SLC2A13: variants seen among roughly 807,000 people sequenced by gnomAD.
SLC2A13 encodes proton myo-inositol cotransporter.
Under a neutral mutation model 64.4 loss-of-function variants are expected in SLC2A13, and 32 were observed. That is an observed-to-expected ratio of 0.50 (90% CI 0.37 to 0.67). The LOEUF (loss-of-function observed/expected upper bound fraction) is 0.67. SLC2A13 is among the 30% of genes least tolerant of loss of function. The pLI is 0.00. For missense variants in SLC2A13, 743 were observed against 829.2 expected (o/e 0.90, Z 1.28); for synonymous variants, 338 against 327.1 (o/e 1.03, Z -0.36).
At chr12:40,075,843 T>C (rs544688165) in intron 1 of SLC2A13, among the ~76,000 whole-genome samples, 4 of 152,192 alleles carry the variant, frequency 2.6e-5, no homozygotes, top group African/African-American at 9.6e-5. Context: ...TATATTTATC[T>C]GTCTTAAGTT....
chr12:39,981,314 T>G (rs1336971526), intron 3 of SLC2A13, among the ~76,000 whole-genome samples: 2 of 150,996 alleles, frequency 1.3e-5, no homozygotes. Context: ...AGGCAAGAAA[T>G]AACTAAAATC....
chr12:40,010,611 T>C (rs899027414), intron 3 of SLC2A13, among the ~76,000 whole-genome samples: 1 of 152,212 alleles, frequency 6.6e-6, no homozygotes, highest in African/African-American at 2.4e-5. Flanking sequence ...TTCACAAACC[T>C]TTTAAAACCA....
At chr12:40,088,814 A>G (rs991019655) in intron 1 of SLC2A13, among the ~76,000 whole-genome samples, 1 of 152,196 alleles carries the variant, frequency 6.6e-6, no homozygotes, top group Non-Finnish European at 1.5e-5. Flanking sequence ...AATGAGTGGG[A>G]TAATAAATTC....
intron 3 of SLC2A13, among the ~76,000 whole-genome samples, chr12:39,966,256 A>C (rs1273436953): frequency 1.3e-5 from 2 of 152,022 alleles, no homozygotes; most frequent in African/African-American, 2.4e-5. Context: ...TCATCATTAC[A>C]GAATCTTCTT....
chr12:40,037,616 T>C (rs1167509903), intron 2 of SLC2A13, among the ~76,000 whole-genome samples: 8 of 129,436 alleles, frequency 6.2e-5, no homozygotes, highest in African/African-American at 3.1e-5. Context: ...GAGTGAGACC[T>C]GGCACTCAGG....
chr12:40,104,140 C>T (rs1259493134), intron 1 of SLC2A13, among the ~76,000 whole-genome samples: 2 of 152,100 alleles, frequency 1.3e-5, no homozygotes, highest in African/African-American at 4.8e-5. Context: ...AGGTTTAAAG[C>T]GCTTTCATCA....
intron 4 of SLC2A13, among the ~76,000 whole-genome samples, chr12:39,942,396 T>C (rs1178882659): frequency 6.6e-6 from 1 of 152,194 alleles, no homozygotes; most frequent in Non-Finnish European, 1.5e-5. Context: ...TCAGTAGTGT[T>C]TTGTAGTTTT....
chr12:39,864,638 C>T (rs78208994), intron 6 of SLC2A13, 124 bp downstream of exon 6: 69,701 of 1,305,584 alleles, frequency 0.053, 4,272 homozygotes, highest in East Asian at 0.29. Flanking sequence ...CATTTTCTTC[C>T]CTTCTTACAT....
At chr12:39,782,880 A>T (rs980458361) in intron 7 of SLC2A13, among the ~76,000 whole-genome samples, 3 of 151,978 alleles carry the variant, frequency 2.0e-5, no homozygotes, top group African/African-American at 7.2e-5. Flanking sequence ...TATTATTATT[A>T]TTTTTTATAC....
chr12:40,063,726 G>A (rs189970061), intron 1 of SLC2A13, among the ~76,000 whole-genome samples: 12 of 152,170 alleles, frequency 7.9e-5, no homozygotes, highest in African/African-American at 2.4e-4. Context: ...CATAGAGGAC[G>A]GACTAATTAA....
chr12:39,777,156 C>T (rs1940805753), intron 7 of SLC2A13, among the ~76,000 whole-genome samples: 1 of 152,198 alleles, frequency 6.6e-6, no homozygotes, highest in African/African-American at 2.4e-5. Context: ...TTATGGTTCA[C>T]TTTCCTTTCT....
In SLC2A13 at chr12:40,065,105, C is replaced by T. The variant is rs769329148; in HGVS notation, c.557-16895G>A. Among the ~76,000 whole-genome samples the T allele has an allele frequency of 6.5e-4, 99 of 151,990 alleles. No individual in the cohort carries two copies. In the Middle Eastern group the frequency reaches 0.014, roughly 21 times the overall value. ...ATACTAAAAAAATGAGATAGAACAG[C>T]AATATTAAAGTGAGATCAGAAAGCA... is the stretch of plus-strand genomic sequence containing the variant. On this transcript the variant is annotated intron_variant, in intron 1 of 9. Coordinates refer to ENST00000280871, the MANE Select transcript of SLC2A13 (RefSeq NM_052885.4).
In SLC2A13 at chr12:39,881,071, T is replaced by C. The variant is rs968410716; in HGVS notation, c.1035-9110A>G. Among the ~76,000 whole-genome samples, 6 of 152,194 alleles carry C rather than the reference T, an allele frequency of 3.9e-5. No individual in the cohort carries two copies. In the South Asian group the frequency reaches 1.0e-3, roughly 26 times the overall value. On this transcript the variant is annotated intron_variant, in intron 4 of 9. Transcript: ENST00000280871. ...TGTAATTATATAATTCAATCAAATG[T>C]TACATAAAGCAACAAAACATAAAAT... is the stretch of plus-strand genomic sequence containing the variant.
At chr12:39,816,178 GATCT>G (rs1291069352) in intron 7 of SLC2A13, among the ~76,000 whole-genome samples, 1 of 152,048 alleles carries the variant, frequency 6.6e-6, no homozygotes, top group Non-Finnish European at 1.5e-5. Context: ...TTCTGGGTTG[GATCT>G]ACGCTAGTTA....
At chr12:40,070,574 T>G (rs773294752) in intron 1 of SLC2A13, among the ~76,000 whole-genome samples, 1 of 152,072 alleles carries the variant, frequency 6.6e-6, no homozygotes, top group Non-Finnish European at 1.5e-5. Flanking sequence ...CAATAAGAAC[T>G]GAAAAGGAAA....
chr12:39,895,912 G>GTGTA (rs1214626971), intron 4 of SLC2A13, among the ~76,000 whole-genome samples: 27 of 147,316 alleles, frequency 1.8e-4, no homozygotes, highest in African/African-American at 6.6e-4. Context: ...ATATGTATAT[G>GTGTA]TATGCATATA....
intron 3 of SLC2A13, among the ~76,000 whole-genome samples, chr12:39,990,814 C>T (rs115927113): frequency 2.5e-3 from 384 of 152,298 alleles, no homozygotes; most frequent in African/African-American, 8.9e-3. Flanking sequence ...CTCTCTACAA[C>T]AAAAGCTCTA....
At chr12:39,768,071 C>A (rs1940427631) in intron 7 of SLC2A13, among the ~76,000 whole-genome samples, 1 of 152,094 alleles carries the variant, frequency 6.6e-6, no homozygotes, top group Non-Finnish European at 1.5e-5. Flanking sequence ...CTTGACGCAG[C>A]TTCTCCATCA....
At chr12:39,908,813 G>A (rs1255477524) in intron 4 of SLC2A13, among the ~76,000 whole-genome samples, 3 of 151,896 alleles carry the variant, frequency 2.0e-5, no homozygotes, top group Admixed American at 6.6e-5. Flanking sequence ...TATTTGGGAG[G>A]ACCAGGAAAA....
Sources: allele counts gnomAD v4.1 joint callset (sites outside exome capture counted in the v4.1 genomes callset), GRCh38; gene constraint gnomAD v4.1.1; transcripts MANE v1.5; gene names NCBI Gene and HGNC (gene_info 2026-07-23, HGNC 2026-07-21).